MYCBP2: variants seen among roughly 807,000 people sequenced by gnomAD.
MYCBP2 encodes E3 ubiquitin-protein ligase MYCBP2.
MYCBP2 carries 120 observed loss-of-function variants against 525.3 expected under a neutral mutation model. The ratio of observed to expected loss-of-function variants is 0.23; its 90% CI spans 0.20 to 0.27. The LOEUF (loss-of-function observed/expected upper bound fraction) is 0.27, where lower values mean the gene tolerates loss of function less well. Among genes scored for constraint, MYCBP2 ranks in the 10% least tolerant of loss-of-function variants. The pLI, the probability that MYCBP2 is intolerant of heterozygous loss-of-function variation, is 1.00. For missense variants in MYCBP2, 4,149 were observed against 5,657.1 expected (o/e 0.73, Z 8.55); for synonymous variants, 1,894 against 1,955.8 (o/e 0.97, Z 0.83).
chr13:77,177,014 A>T (rs1050170062), intron 35 of MYCBP2, among the ~76,000 whole-genome samples: 2 of 152,128 alleles, frequency 1.3e-5, no homozygotes, highest in African/African-American at 4.8e-5. Flanking sequence ...AATAAAACTC[A>T]GGTACTTTAA....
intron 55 of MYCBP2, among the ~76,000 whole-genome samples, chr13:77,119,189 C>A (rs1330182950): frequency 1.3e-5 from 2 of 151,946 alleles, no homozygotes; most frequent in African/African-American, 4.8e-5. Flanking sequence ...TTTCCTTGTA[C>A]CAAAAGGTTT....
intron 55 of MYCBP2, among the ~76,000 whole-genome samples, chr13:77,112,604 A>AT (rs1332473557): frequency 1.3e-5 from 2 of 151,488 alleles, no homozygotes; most frequent in African/African-American, 4.8e-5. Context: ...CTTTAAAAAA[A>AT]TTTTTCTTAA....
chr13:77,264,648 T>G (rs1177033166), intron 8 of MYCBP2, among the ~76,000 whole-genome samples: 2 of 152,152 alleles, frequency 1.3e-5, no homozygotes, highest in African/African-American at 4.8e-5. Flanking sequence ...ATACCATATT[T>G]CATCAATACT....
chr13:77,249,628 C>A (rs2070759116), intron 15 of MYCBP2, among the ~76,000 whole-genome samples: 1 of 152,094 alleles, frequency 6.6e-6, no homozygotes, highest in South Asian at 2.1e-4. Context: ...CTCCTGGCCT[C>A]AAGTGATCCT....
At chr13:77,325,248 C>T (rs1220022635) in intron 1 of MYCBP2, among the ~76,000 whole-genome samples, 1 of 152,196 alleles carries the variant, frequency 6.6e-6, no homozygotes, top group Non-Finnish European at 1.5e-5. Context: ...GAGAAAAAGA[C>T]ACCTAACAAT....
chr13:77,265,018 G>A (rs1000722864), intron 8 of MYCBP2, among the ~76,000 whole-genome samples: 13 of 152,096 alleles, frequency 8.5e-5, no homozygotes, highest in Non-Finnish European at 1.5e-5. Context: ...TTGAAATGCA[G>A]TAATGGAGCC....
chr13:77,250,222 C>CAA lies in MYCBP2; in HGVS notation c.2381+927_2381+928dup, dbSNP rs34137754. 2.7e-3 allele frequency among the ~76,000 whole-genome samples: 334 copies of CAA among 125,056 alleles called. 1 individual carries two copies. Among genetic ancestry groups the CAA allele is most frequent in the Middle Eastern group, 4.4e-3 (1 of 228 alleles). The allele number at this position is 125,056 out of a possible 152,430, so 82.0% of individuals were successfully genotyped here. ...TGGGCGACAGAGCGAGACTCCGTCT[C>CAA]AAAAAAAAAAAAAAAATCATATCTC... On this transcript the variant is annotated intron_variant, in intron 15 of 82. Transcript: ENST00000544440.
Position 77,166,352 on chromosome 13 carries a change from G to A in MYCBP2, c.6317C>T (p.Pro2106Leu), listed in dbSNP as rs2154215333. 2 of 1,611,940 alleles carry A rather than the reference G, an allele frequency of 1.2e-6. No homozygotes were observed. Among genetic ancestry groups the A allele is most frequent in the Non-Finnish European group, 1.7e-6 (2 of 1,178,890 alleles). Residue 2106 changes from proline to leucine, a missense_variant, in exon 41 of 83, where the codon CCT (proline) becomes CTT (leucine). Physicochemically the swap from Pro to Leu is moderately conservative, Grantham distance 98. Transcript: ENST00000544440. ...ACCTGGCAACACCAAAACCATAGTA[G>A]GCCACCCAGAGGATCCTGAAAATTT... ...LKKFSGSSGW[P>L]TMVLVLPGNE...
At chr13:77,284,879 G>A (rs1370535606) in intron 3 of MYCBP2, among the ~76,000 whole-genome samples, 4 of 152,108 alleles carry the variant, frequency 2.6e-5, no homozygotes, top group South Asian at 2.1e-4. Context: ...ACTGAGGCAC[G>A]GATGTGTCAA....
chr13:77,173,044 T>A (rs2059293417), intron 37 of MYCBP2, among the ~76,000 whole-genome samples: 1 of 152,080 alleles, frequency 6.6e-6, no homozygotes, highest in East Asian at 1.9e-4. Context: ...ACTAACACCA[T>A]CTCCACTAGT....
intron 55 of MYCBP2, among the ~76,000 whole-genome samples, chr13:77,116,967 T>C (rs1232268658): frequency 6.6e-6 from 1 of 152,068 alleles, no homozygotes; most frequent in African/African-American, 2.4e-5. Flanking sequence ...AATTTTTCAT[T>C]TAAAACTGAA....
chr13:77,311,456 C>T (rs2080195170), intron 1 of MYCBP2, among the ~76,000 whole-genome samples: 1 of 151,960 alleles, frequency 6.6e-6, no homozygotes, highest in African/African-American at 2.4e-5. Context: ...TGTAATTATC[C>T]AACAATGACT....
intron 1 of MYCBP2, among the ~76,000 whole-genome samples, chr13:77,324,589 A>G (rs2082075857): frequency 6.6e-6 from 1 of 152,264 alleles, no homozygotes; most frequent in Non-Finnish European, 1.5e-5. Flanking sequence ...AGGCAATATC[A>G]TAACATAATG....
intron 28 of MYCBP2, among the ~76,000 whole-genome samples, chr13:77,191,017 T>C (rs1187186466): frequency 1.3e-5 from 2 of 152,174 alleles, no homozygotes; most frequent in Admixed American, 6.5e-5. Flanking sequence ...ATCATAGTAA[T>C]AGAATATTGA....
At position 77,064,522 on chromosome 13, in the gene MYCBP2, T is replaced by C. The variant is rs543475597; in HGVS notation, c.12672+93A>G. Reference sequence around the variant, plus strand: ...TGGTTAAAAAATAATTATGTTGACTTAGTGATTAAAATTTGTTTAAATCTA... The same window carrying C: ...TGGTTAAAAAATAATTATGTTGACTCAGTGATTAAAATTTGTTTAAATCTA... On this transcript the variant is annotated intron_variant, in intron 73 of 82. Transcript: ENST00000544440. 3.3e-5 allele frequency: 43 copies of C among 1,316,306 alleles called. No individual in the cohort carries two copies. In the East Asian group the frequency reaches 5.6e-4, roughly 17 times the overall value. The allele number at this position is 1,316,306 out of a possible 1,614,324, so 81.5% of individuals were successfully genotyped here.
At chr13:77,172,465 A>G (rs571452026) in intron 37 of MYCBP2, among the ~76,000 whole-genome samples, 2 of 152,268 alleles carry the variant, frequency 1.3e-5, no homozygotes, top group Admixed American at 1.3e-4. Flanking sequence ...GGTATGATTT[A>G]TATTTTTATC....
intron 1 of MYCBP2, among the ~76,000 whole-genome samples, chr13:77,305,854 T>A (rs2079353413): frequency 6.6e-6 from 1 of 152,122 alleles, no homozygotes; most frequent in South Asian, 2.1e-4. Flanking sequence ...GTGATGAAAC[T>A]CCTTGGTGAA....
chr13:77,242,961 T>C, intron 17 of MYCBP2, 98 bp downstream of exon 17: 1 of 977,218 alleles, frequency 1.0e-6, no homozygotes, highest in Non-Finnish European at 1.6e-6. Flanking sequence ...TTTGATGATT[T>C]CTTACCAAAT....
At chr13:77,294,521 G>A (rs1387698691) in intron 2 of MYCBP2, among the ~76,000 whole-genome samples, 1 of 152,158 alleles carries the variant, frequency 6.6e-6, no homozygotes, top group African/African-American at 2.4e-5. Flanking sequence ...GTTGGAGGCC[G>A]AATTGAAGGG....
Sources: gnomAD v4.1 joint callset for allele counts (sites outside exome capture counted in the v4.1 genomes callset) on GRCh38, gnomAD v4.1.1 for gene constraint, MANE v1.5 for transcripts, NCBI Gene and HGNC (gene_info 2026-07-23, HGNC 2026-07-21) for gene names.